The following MAP3K19 variants were observed in gnomAD, a reference collection of about 807,000 sequenced individuals.
MAP3K19 encodes the protein mitogen-activated protein kinase kinase kinase 19, also known as SPS1/STE20-related protein kinase YSK4.
A neutral mutation model predicts 114.4 loss-of-function variants in MAP3K19; 91 were observed. The ratio of observed to expected loss-of-function variants is 0.80; its 90% CI spans 0.67 to 0.95. MAP3K19 has a LOEUF of 0.95. Among genes scored for constraint, MAP3K19 ranks in the 40% least tolerant of loss-of-function variants. The probability of loss-of-function intolerance (pLI) is 0.00; values close to 1 mark genes in which losing one functional copy is unlikely to be tolerated. For synonymous variants in MAP3K19, 518 were observed against 530.5 expected (o/e 0.98, Z 0.32); for missense variants, 1,471 against 1,573.2 (o/e 0.94, Z 1.10).
intron 4 of MAP3K19, among the ~76,000 whole-genome samples, chr2:135,022,816 A>G (rs1688072281): frequency 6.6e-6 from 1 of 152,158 alleles, no homozygotes; most frequent in South Asian, 2.1e-4. Context: ...GCTAAGTGAA[A>G]CCCTAATGAT....
chr2:134,980,703 G>T, intron 12 of MAP3K19, 118 bp downstream of exon 12: 3 of 862,672 alleles, frequency 3.5e-6, no homozygotes, highest in Non-Finnish European at 5.4e-6. Flanking sequence ...CAAAATCACT[G>T]TCTACTTGAC....
At chr2:135,024,786 G>C (rs1688191763) in intron 3 of MAP3K19, 45 bp from the exon 4 acceptor site, 1 of 684,836 alleles carries the variant, frequency 1.5e-6, no homozygotes, top group Admixed American at 2.7e-5. Context: ...AGTTGAATCT[G>C]TTGAAAAAAG....
In MAP3K19 at chr2:135,033,549, G is replaced by A. The variant is rs1330899284; in HGVS notation, c.-283-3049C>T. ...CGGGCAGAGGCGCCCCTCACCTCCC[G>A]GACGGGGCGGCTGGCGGGCGGGGGG... is the stretch of plus-strand genomic sequence containing the variant. On this transcript the variant is annotated intron_variant, in intron 2 of 12. Coordinates refer to ENST00000392915, the MANE Select transcript of MAP3K19 (RefSeq NM_025052.5). Among the ~76,000 whole-genome samples the A allele has an allele frequency of 4.0e-4, 8 of 20,184 alleles. No homozygotes were observed. In the South Asian group the frequency reaches 0.016, roughly 41 times the overall value. 13.2% of individuals were successfully genotyped at this position (20,184 alleles called of 152,430 possible). A position where few individuals can be genotyped will look rare whatever the true frequency, so the allele number is the denominator to read the frequency against.
At chr2:135,036,487 T>C (rs1688530120) in intron 2 of MAP3K19, among the ~76,000 whole-genome samples, 2 of 152,186 alleles carry the variant, frequency 1.3e-5, no homozygotes, top group African/African-American at 4.8e-5. Context: ...ATTAAATGTT[T>C]ATTTGATTTC....
intron 8 of MAP3K19, among the ~76,000 whole-genome samples, chr2:134,992,231 A>G (rs1285611969): frequency 2.6e-5 from 4 of 152,164 alleles, no homozygotes; most frequent in Non-Finnish European, 4.4e-5. Flanking sequence ...TTGCTTAGAA[A>G]GCCTGAACTG....
intron 12 of MAP3K19, 36 bp from the exon 13 acceptor site, chr2:134,964,952 T>C: frequency 1.3e-6 from 2 of 1,490,666 alleles, no homozygotes; most frequent in South Asian, 1.2e-5. Flanking sequence ...GCAGCAGCAC[T>C]CAGTAATGAG....
intron 5 of MAP3K19, among the ~76,000 whole-genome samples, chr2:135,014,296 G>A (rs1486332477): frequency 6.6e-6 from 1 of 152,116 alleles, no homozygotes; most frequent in African/African-American, 2.4e-5. Flanking sequence ...GGAGGTTGCA[G>A]TAAGCTGTGA....
intron 12 of MAP3K19, among the ~76,000 whole-genome samples, chr2:134,974,037 T>C (rs1684059850): frequency 6.6e-6 from 1 of 152,224 alleles, no homozygotes; most frequent in Non-Finnish European, 1.5e-5. Flanking sequence ...GTTTTGCTGT[T>C]GTTGCCCAGG....
rs145156450 is a variant in MAP3K19 at position 134,977,890 on chromosome 2, A to G, written c.3920+2931T>C. ...TCTTAACCATTTGGCCCATTCCTCT[A>G]TAGAAATTGCCCTCTTGAAATTAAC... On this transcript the variant is annotated intron_variant, in intron 12 of 12. Transcript: ENST00000392915. 5.1e-4 allele frequency among the ~76,000 whole-genome samples: 78 copies of G among 152,222 alleles called. No individual in the cohort carries two copies. In the East Asian group the frequency reaches 0.013, roughly 25 times the overall value.
chr2:134,988,311 C>A, intron 9 of MAP3K19, 58 bp from the exon 10 acceptor site: 1 of 1,426,242 alleles, frequency 7.0e-7, no homozygotes, highest in Non-Finnish European at 9.4e-7. Flanking sequence ...ATCACGCTAA[C>A]TCGTTTAAAG....
chr2:134,995,277 T>C (rs1291721921), intron 8 of MAP3K19, among the ~76,000 whole-genome samples: 3 of 148,542 alleles, frequency 2.0e-5, no homozygotes, highest in Non-Finnish European at 3.0e-5. Flanking sequence ...GATCGCGCCA[T>C]TGCACTCCAA....
intron 1 of MAP3K19, among the ~76,000 whole-genome samples, chr2:135,042,061 G>C (rs1351378314): frequency 1.3e-4 from 20 of 152,124 alleles, no homozygotes; most frequent in Admixed American, 1.3e-3. Context: ...AGCTTTCATT[G>C]ACCAGTCCCA....
intron 5 of MAP3K19, among the ~76,000 whole-genome samples, chr2:135,008,515 T>G (rs999917981): frequency 3.3e-5 from 5 of 152,204 alleles, no homozygotes; most frequent in African/African-American, 9.6e-5. Context: ...ACACATAGTA[T>G]TATTAAATAT....
chr2:135,024,886 G>A (rs10928529), intron 3 of MAP3K19, 145 bp from the exon 4 acceptor site: 94,356 of 447,540 alleles, frequency 0.21, 13,723 homozygotes, highest in African/African-American at 0.48. Flanking sequence ...TTCAAAATGT[G>A]TGAATAGAGG....
At chr2:135,025,377 CTTTT>C (rs754598942) in intron 3 of MAP3K19, among the ~76,000 whole-genome samples, 20 of 69,556 alleles carry the variant, frequency 2.9e-4, no homozygotes, top group East Asian at 1.3e-3. Flanking sequence ...CTTTTCTTTT[CTTTT>C]TTTTTTTTTT....
intron 3 of MAP3K19, among the ~76,000 whole-genome samples, chr2:135,028,969 G>C (rs762357231): frequency 6.6e-6 from 1 of 152,100 alleles, no homozygotes; most frequent in South Asian, 2.1e-4. Flanking sequence ...GAATAGTCTT[G>C]CAATAGCATA....
Position 134,999,175 on chromosome 2 carries a change from G to A in MAP3K19, c.315-178C>T, listed in dbSNP as rs1686249331. Among the ~76,000 whole-genome samples the A allele has an allele frequency of 2.0e-5, 3 of 152,110 alleles. No homozygotes were observed. In the South Asian group the frequency reaches 6.2e-4, roughly 32 times the overall value. ...CATCTCCACCTGCTGACTCCTCCTG[G>A]CCTCCTTAGCCCTCTGTACCATCGC... On this transcript the variant is annotated intron_variant, in intron 7 of 12. Coordinates refer to ENST00000392915, the MANE Select transcript of MAP3K19 (RefSeq NM_025052.5). This position sits in a 1 kb window ranked among gnomAD's most constrained non-coding sequence, Gnocchi z 4.1.
At chr2:134,978,449 C>T (rs1047778110) in intron 12 of MAP3K19, among the ~76,000 whole-genome samples, 1 of 152,130 alleles carries the variant, frequency 6.6e-6, no homozygotes, top group Non-Finnish European at 1.5e-5. Context: ...GATCCCCCCA[C>T]CTCGGCCTTC....
At chr2:135,011,250 A>G (rs913641131) in intron 5 of MAP3K19, among the ~76,000 whole-genome samples, 16 of 152,144 alleles carry the variant, frequency 1.1e-4, no homozygotes, top group Non-Finnish European at 4.4e-5. Flanking sequence ...TTTTTAAAAA[A>G]AGTTTTGCCA....
Sources: allele counts gnomAD v4.1 joint callset (sites outside exome capture counted in the v4.1 genomes callset), GRCh38; gene constraint gnomAD v4.1.1; non-coding constraint Gnocchi (gnomAD v3.1); transcripts MANE v1.5; gene names NCBI Gene and HGNC (gene_info 2026-07-23, HGNC 2026-07-21).